The following PLEKHA7 variants were observed in gnomAD, a reference collection of about 807,000 sequenced individuals.
PLEKHA7 encodes pleckstrin homology domain containing A7.
A neutral mutation model predicts 170.0 loss-of-function variants in PLEKHA7; 104 were observed. That is an observed-to-expected ratio of 0.61 (90% confidence interval 0.52 to 0.72). The LOEUF is 0.72. Ranked by LOEUF, PLEKHA7 falls within the 30% of genes least tolerant of loss-of-function variation. PLEKHA7 has a pLI of 0.00. For synonymous variants in PLEKHA7, 648 were observed against 660.8 expected (o/e 0.98, Z 0.30); for missense variants, 1,615 against 1,671.7 (o/e 0.97, Z 0.59).
intron 17 of PLEKHA7, among the ~76,000 whole-genome samples, chr11:16,797,292 C>T (rs1187872678): frequency 5.9e-5 from 9 of 151,996 alleles, no homozygotes; most frequent in Non-Finnish European, 7.4e-5. Flanking sequence ...TAGCCTTGGT[C>T]CCACCCCATG....
At chr11:16,928,410 G>C (rs1859711252) in intron 3 of PLEKHA7, among the ~76,000 whole-genome samples, 1 of 150,940 alleles carries the variant, frequency 6.6e-6, no homozygotes, top group Non-Finnish European at 1.5e-5. Flanking sequence ...GGGTTTGATA[G>C]TAATCTTAAA....
chr11:16,896,705 ATCCAGTAGT>A (rs1326082788), intron 3 of PLEKHA7, among the ~76,000 whole-genome samples: 1 of 152,146 alleles, frequency 6.6e-6, no homozygotes, highest in Non-Finnish European at 1.5e-5. Context: ...CCTTAAAATC[ATCCAGTAGT>A]TCCCATTACC....
intron 3 of PLEKHA7, among the ~76,000 whole-genome samples, chr11:16,921,281 C>T (rs1859068038): frequency 6.6e-6 from 1 of 152,148 alleles, no homozygotes; most frequent in Non-Finnish European, 1.5e-5. Flanking sequence ...CCTGCCTAAA[C>T]TCAAATCAAA....
intron 3 of PLEKHA7, among the ~76,000 whole-genome samples, chr11:16,963,991 C>T (rs2136643382): frequency 6.6e-6 from 1 of 152,290 alleles, no homozygotes; most frequent in African/African-American, 2.4e-5. Context: ...TCCCTCAGGC[C>T]CTAGAAACCT....
intron 3 of PLEKHA7, among the ~76,000 whole-genome samples, chr11:17,007,773 C>CTATCTTTTTTACCTATCTTTTACCT (rs1865097264): frequency 1.3e-5 from 2 of 152,002 alleles, no homozygotes; most frequent in African/African-American, 4.8e-5. Flanking sequence ...AGGGTTTTAC[C>CTATCTTTTTTACCTATCTTTTACCT]ATGTTGCCCA....
chr11:17,012,134 C>G (rs578164692), intron 3 of PLEKHA7, among the ~76,000 whole-genome samples: 1 of 152,300 alleles, frequency 6.6e-6, no homozygotes, highest in Non-Finnish European at 1.5e-5. Context: ...CAGTGGCCAC[C>G]TACAATCCAA....
Position 16,786,222 on chromosome 11 carries a change from C to A in PLEKHA7, c.3516+7G>T, listed in dbSNP as rs761320359. ...CTGGAGGACATGAAGGAAGTGCCTGCCCTCACCTCTCTGCTGATGTCCAAG... is the reference window on the plus strand; with the variant it reads ...CTGGAGGACATGAAGGAAGTGCCTGACCTCACCTCTCTGCTGATGTCCAAG... On this transcript the variant is annotated splice_region_variant and intron_variant, in intron 24 of 26. Coordinates refer to ENST00000531066, the MANE Select transcript of PLEKHA7 (RefSeq NM_001329630.2). 3.3e-6 allele frequency: 5 copies of A among 1,535,984 alleles called. No individual in the cohort carries two copies. The South Asian group carries it at 3.6e-5, about 11-fold the overall frequency.
chr11:16,871,215 C>G lies in PLEKHA7; in HGVS notation c.222-33G>C, dbSNP rs1263726301. On this transcript the variant is annotated intron_variant, in intron 3 of 26. Transcript: ENST00000531066. ...GAAAGAGAGAAGATGGATGAGAATT[C>G]GTGTGAATGGAAGGAGTACAGACAC... 2.0e-6 allele frequency: 3 copies of G among 1,526,312 alleles called. No individual in the cohort carries two copies. In the African/African-American group the frequency reaches 4.1e-5, roughly 21 times the overall value. 94.5% of individuals were successfully genotyped at this position (1,526,312 alleles called of 1,614,324 possible).
intron 3 of PLEKHA7, among the ~76,000 whole-genome samples, chr11:17,001,305 C>T (rs1028828446): frequency 2.4e-4 from 37 of 152,142 alleles, no homozygotes; most frequent in African/African-American, 5.1e-4. Flanking sequence ...ACAGATAATT[C>T]CTTGATCAAA....
chr11:16,800,884 C>T (rs1199834255), intron 17 of PLEKHA7, 90 bp downstream of exon 17: 72 of 1,131,004 alleles, frequency 6.4e-5, no homozygotes, highest in Non-Finnish European at 9.0e-5. Context: ...GAGCAGTGCT[C>T]ACAACCCCCA....
intron 12 of PLEKHA7, 46 bp downstream of exon 12, chr11:16,816,132 T>A (rs773959652): frequency 6.7e-7 from 1 of 1,489,186 alleles, no homozygotes; most frequent in East Asian, 2.3e-5. Context: ...AAGGAAAATG[T>A]TGATGAGATA....
Position 16,789,824 on chromosome 11 carries a change from A to G in PLEKHA7, c.3107T>C (p.Val1036Ala). The change falls in exon 22 of 27, where the codon GTC becomes GCC. Residue 1036 changes from valine (V) to alanine (A), a missense_variant. Val to Ala is a moderately conservative substitution (Grantham distance 64, BLOSUM62 0). Transcript: ENST00000531066. This position sits in a 1 kb window ranked among gnomAD's most constrained non-coding sequence, Gnocchi z 4.6. ...GGCATTGAGACCCCTCCGGAGTGTG[A>G]CGTAGGGAGCAATGGTGGACGACTG... The part of the protein sequence containing the change: ...LQQSSTIAPY[V>A]TLRRGLNAES... The G allele has an allele frequency of 1.2e-6, 2 of 1,614,138 alleles. No individual in the cohort carries two copies. The highest frequency in any genetic ancestry group is 1.3e-5 in the African/African-American group (1 of 75,048).
chr11:16,869,830 A>C lies in PLEKHA7; in HGVS notation c.305+1269T>G, dbSNP rs558182640. ...GATACTAAGGGAGGGAAATGCTGTA[A>C]AAATATAAATACTGAGAGTTTATTT... On this transcript the variant is annotated intron_variant, in intron 4 of 26. Coordinates refer to ENST00000531066, the MANE Select transcript of PLEKHA7 (RefSeq NM_001329630.2). Among the ~76,000 whole-genome samples, 25 of 152,358 alleles carry C rather than the reference A, an allele frequency of 1.6e-4. 1 individual carries two copies. In the South Asian group the frequency reaches 5.0e-3, roughly 30 times the overall value.
rs34201509 is a variant in PLEKHA7, at chr11:16,885,998, GA to G, written c.222-14817del. On this transcript the variant is annotated intron_variant, in intron 3 of 26. Transcript: ENST00000531066. Reference sequence around the variant, plus strand: ...CTGGCAACAGAGCAAGACTCCATCGGAAAAAAAAAAAAAAGAAAGAAAGAAA... The same window carrying G: ...CTGGCAACAGAGCAAGACTCCATCGGAAAAAAAAAAAAAGAAAGAAAGAAA... Among the ~76,000 whole-genome samples, 43 of 142,974 alleles carry G rather than the reference GA, an allele frequency of 3.0e-4. 1 individual carries two copies. The South Asian group carries it at 5.7e-3, about 19-fold the overall frequency. The allele number at this position is 142,974 out of a possible 152,430, so 93.8% of individuals were successfully genotyped here.
chr11:16,979,178 C>T (rs889455706), intron 3 of PLEKHA7, among the ~76,000 whole-genome samples: 6 of 152,116 alleles, frequency 3.9e-5, no homozygotes, highest in Non-Finnish European at 8.8e-5. Flanking sequence ...ATTACAGGCG[C>T]GCTACCACGC....
intron 17 of PLEKHA7, among the ~76,000 whole-genome samples, chr11:16,796,470 A>G (rs965344333): frequency 6.6e-6 from 1 of 152,188 alleles, no homozygotes; most frequent in Non-Finnish European, 1.5e-5. Flanking sequence ...AAATCAGTAG[A>G]AACAGAAAGT....
At chr11:16,878,125 A>G (rs937368890) in intron 3 of PLEKHA7, among the ~76,000 whole-genome samples, 1 of 152,092 alleles carries the variant, frequency 6.6e-6, no homozygotes, top group Non-Finnish European at 1.5e-5. Context: ...TTTAACCTCC[A>G]TGTACAATAT....
intron 3 of PLEKHA7, among the ~76,000 whole-genome samples, chr11:16,899,946 A>G (rs975781789): frequency 6.6e-6 from 1 of 152,122 alleles, no homozygotes; most frequent in Non-Finnish European, 1.5e-5. Context: ...CCCAGGTGCT[A>G]GGGGTAGGCA....
rs768418110 is a variant in PLEKHA7, at chr11:16,817,286, A to G, written c.1380T>C (p.Pro460=). Residue 460 remains proline (P), a synonymous_variant, in exon 11 of 27, where the codon CCT becomes CCC. Transcript: ENST00000531066. The surrounding 1 kb of genome is among the most constrained non-coding windows in gnomAD (Gnocchi z 4.4). ...PLDQTLPRQG[P]GQSLSFPENY... ...TTTCTGGGAAGGACAGGGATTGGCCAGGACCCTGGCGAGGAAGCGTCTGGT... is the reference window on the plus strand; with the variant it reads ...TTTCTGGGAAGGACAGGGATTGGCCGGGACCCTGGCGAGGAAGCGTCTGGT... 2.5e-6 allele frequency: 4 copies of G among 1,612,740 alleles called. No individual in the cohort carries two copies. The highest frequency in any genetic ancestry group is 3.4e-6 in the Non-Finnish European group (4 of 1,179,946).
Sources: gnomAD v4.1 joint callset for allele counts (sites outside exome capture counted in the v4.1 genomes callset) on GRCh38, gnomAD v4.1.1 for gene constraint, Gnocchi (gnomAD v3.1) non-coding constraint, MANE v1.5 for transcripts, NCBI Gene and HGNC (gene_info 2026-07-23, HGNC 2026-07-21) for gene names.